The following SGCD variants were observed in gnomAD, a reference collection of about 807,000 sequenced individuals.
The protein encoded by SGCD is sarcoglycan delta.
A neutral mutation model predicts 36.6 loss-of-function variants in SGCD; 18 were observed. The ratio of observed to expected loss-of-function variants is 0.49; its 90% CI spans 0.34 to 0.73. The LOEUF is 0.73. SGCD is among the 30% of genes least tolerant of loss of function. The probability of loss-of-function intolerance (pLI) is 0.01; values close to 1 mark genes in which losing one functional copy is unlikely to be tolerated. For missense variants in SGCD, 387 were observed against 346.7 expected (o/e 1.12, Z -0.92); for synonymous variants, 133 against 130.6 (o/e 1.02, Z -0.12).
the SGCD span, among the ~76,000 whole-genome samples, chr5:155,740,606 C>T: frequency 7.9e-5 from 12 of 152,156 alleles, no homozygotes; most frequent in African/African-American, 4.8e-5. Flanking sequence ...CTGACATTTT[C>T]GTACAGTATG....
At chr5:156,069,910 C>G (rs1183618220) in intron 1 of SGCD, among the ~76,000 whole-genome samples, 4 of 152,004 alleles carry the variant, frequency 2.6e-5, no homozygotes, top group Non-Finnish European at 4.4e-5. Flanking sequence ...TGGGAGTTCA[C>G]TCATGATTTG....
intron 1 of SGCD, among the ~76,000 whole-genome samples, chr5:155,920,340 C>T (rs1253037637): frequency 6.6e-6 from 1 of 152,114 alleles, no homozygotes; most frequent in Non-Finnish European, 1.5e-5. Flanking sequence ...ACTTGAGCAA[C>T]TAGAAGGATG....
At chr5:156,379,180 C>T (rs1770842764) in intron 3 of SGCD, among the ~76,000 whole-genome samples, 1 of 152,084 alleles carries the variant, frequency 6.6e-6, no homozygotes, top group South Asian at 2.1e-4. Flanking sequence ...TGGAATCTGA[C>T]ATTAAACAAG....
chr5:156,025,755 G>T (rs1023706519), intron 1 of SGCD, among the ~76,000 whole-genome samples: 7 of 151,904 alleles, frequency 4.6e-5, no homozygotes, highest in Non-Finnish European at 1.0e-4. Context: ...TTGCCACTCT[G>T]ATTCTCAGAC....
At chr5:155,887,426 C>G (rs1756030790) in intron 1 of SGCD, among the ~76,000 whole-genome samples, 1 of 152,196 alleles carries the variant, frequency 6.6e-6, no homozygotes, top group Non-Finnish European at 1.5e-5. Context: ...CTCAAACTAA[C>G]TACGCAAACT....
At chr5:156,447,614 G>A (rs1179557301) in intron 3 of SGCD, among the ~76,000 whole-genome samples, 1 of 152,106 alleles carries the variant, frequency 6.6e-6, no homozygotes, top group East Asian at 1.9e-4. Context: ...AGAACACATG[G>A]ACACAGGGAG....
chr5:156,113,579 G>A (rs1761841168), intron 1 of SGCD, among the ~76,000 whole-genome samples: 1 of 152,160 alleles, frequency 6.6e-6, no homozygotes, highest in South Asian at 2.1e-4. Flanking sequence ...CCTCTTTACA[G>A]CTGCTGTAGA....
intron 7 of SGCD, among the ~76,000 whole-genome samples, chr5:156,708,226 C>T (rs1754826154): frequency 6.7e-6 from 1 of 150,058 alleles, no homozygotes; most frequent in African/African-American, 2.5e-5. Context: ...GTTGATTTCC[C>T]ATGTATGATA....
chr5:156,356,570 C>T (rs2127726734), intron 3 of SGCD, among the ~76,000 whole-genome samples: 1 of 152,258 alleles, frequency 6.6e-6, no homozygotes, highest in Admixed American at 6.5e-5. Flanking sequence ...AAAGTCCTGC[C>T]TAAATTCAAG....
intron 3 of SGCD, among the ~76,000 whole-genome samples, chr5:156,274,888 C>T (rs1766277372): frequency 6.6e-6 from 1 of 152,142 alleles, no homozygotes; most frequent in Non-Finnish European, 1.5e-5. Context: ...GTTGCAAGCT[C>T]AAACACCTAT....
chr5:155,944,917 A>T lies in SGCD; in HGVS notation c.-282+74493A>T, dbSNP rs185420667. 1.2e-3 allele frequency among the ~76,000 whole-genome samples: 185 copies of T among 148,182 alleles called. 1 individual carries two copies. The highest frequency in any genetic ancestry group is 4.7e-3 in the African/African-American group (180 of 38,526). On this transcript the variant is annotated intron_variant, in intron 1 of 9. Transcript: ENST00000517913. ...TGAAGATGTAAGAGCCATGCAAAAA[A>T]AAATAATAATAATAAGGGAGTGTAA...
At chr5:156,382,407 C>A (rs1049397232) in intron 3 of SGCD, among the ~76,000 whole-genome samples, 3 of 152,138 alleles carry the variant, frequency 2.0e-5, no homozygotes, top group Non-Finnish European at 4.4e-5. Flanking sequence ...AGCATAAGCG[C>A]CCAGAAAATG....
At chr5:156,458,601 A>G in intron 3 of SGCD, 1 of 704,310 alleles carries the variant, frequency 1.4e-6, no homozygotes, top group Non-Finnish European at 2.4e-6. Flanking sequence ...TAAACCTCAG[A>G]TTTTTATTTG....
At chr5:156,556,251 A>G (rs1759016817) in intron 4 of SGCD, among the ~76,000 whole-genome samples, 1 of 152,112 alleles carries the variant, frequency 6.6e-6, no homozygotes, top group Admixed American at 6.6e-5. Context: ...AGAAACCATT[A>G]GGAAGATTAA....
At position 156,344,645 on chromosome 5, in the gene SGCD, A is replaced by G. The variant is rs200671745; in HGVS notation, c.160A>G (p.Ile54Val). The change falls in exon 3 of 9, where the codon ATC (isoleucine) becomes GTC (valine). Residue 54 changes from isoleucine to valine, a missense_variant. By Grantham distance (29) the Ile-to-Val change is conservative. Coordinates refer to ENST00000337851, the MANE Select transcript of SGCD (RefSeq NM_000337.6). ...ILILVNLAMT[I>V]WILKVMNFTI... ...AATACTGGTGAACTTGGCCATGACC[A>G]TCTGGATTCTCAAAGTCATGAACTT... 2.1e-5 allele frequency: 34 copies of G among 1,608,732 alleles called. No individual in the cohort carries two copies. In the African/African-American group the frequency reaches 3.5e-4, roughly 16 times the overall value.
chr5:156,156,357 G>A (rs1363946617), intron 3 of SGCD, among the ~76,000 whole-genome samples: 3 of 151,494 alleles, frequency 2.0e-5, no homozygotes, highest in South Asian at 2.1e-4. Flanking sequence ...GGCTGGGCAC[G>A]GTGGCTCACA....
chr5:155,842,859 A>G, the SGCD span, among the ~76,000 whole-genome samples: 1 of 152,208 alleles, frequency 6.6e-6, no homozygotes, highest in Non-Finnish European at 1.5e-5. Context: ...AAAAATACTT[A>G]GTTTTTAATA....
At chr5:156,336,759 G>T (rs10061194) in intron 2 of SGCD, among the ~76,000 whole-genome samples, 24,104 of 152,196 alleles carry the variant, frequency 0.16, 2,644 homozygotes, top group African/African-American at 0.31. Context: ...GAGGCTGAAG[G>T]TATGAATGAG....
intron 1 of SGCD, among the ~76,000 whole-genome samples, chr5:155,983,396 T>A (rs4704763): frequency 0.29 from 43,454 of 152,048 alleles, 6,266 homozygotes; most frequent in South Asian, 0.37. Context: ...ACCTCCCAGG[T>A]TCGAGTGATT....
Sources: gnomAD v4.1 joint callset for allele counts (sites outside exome capture counted in the v4.1 genomes callset) on GRCh38, gnomAD v4.1.1 for gene constraint, MANE v1.5 for transcripts, NCBI Gene and HGNC (gene_info 2026-07-23, HGNC 2026-07-21) for gene names.